The following LRMDA variants were observed in gnomAD, a reference collection of about 807,000 sequenced individuals.
The protein encoded by LRMDA is leucine-rich melanocyte differentiation-associated protein.
A neutral mutation model predicts 29.8 loss-of-function variants in LRMDA; 18 were observed. The ratio of observed to expected loss-of-function variants is 0.60; its 90% CI spans 0.42 to 0.90. The LOEUF is 0.90. Ranked by LOEUF, LRMDA falls within the 40% of genes least tolerant of loss-of-function variation. The probability of loss-of-function intolerance (pLI) is 0.00; values close to 1 mark genes in which losing one functional copy is unlikely to be tolerated. For synonymous variants in LRMDA, 125 were observed against 109.4 expected (o/e 1.14, Z -0.89); for missense variants, 273 against 273.9 (o/e 1.00, Z 0.02).
intron 5 of LRMDA, among the ~76,000 whole-genome samples, chr10:76,223,806 GA>G (rs1361396694): frequency 6.6e-6 from 1 of 152,158 alleles, no homozygotes; most frequent in Non-Finnish European, 1.5e-5. Flanking sequence ...CACCTCATTT[GA>G]CTGTGACAGC....
At chr10:75,668,371 A>G (rs1841850065) in intron 2 of LRMDA, among the ~76,000 whole-genome samples, 1 of 152,206 alleles carries the variant, frequency 6.6e-6, no homozygotes, top group Non-Finnish European at 1.5e-5. Context: ...GCCTGCCTCC[A>G]TGAAGGTGTA....
chr10:76,009,299 C>T (rs1847730661), intron 2 of LRMDA, among the ~76,000 whole-genome samples: 1 of 152,188 alleles, frequency 6.6e-6, no homozygotes, highest in Non-Finnish European at 1.5e-5. Context: ...CACTAAGATG[C>T]ATCCCTCATC....
chr10:76,553,044 C>CA (rs1324859961), intron 6 of LRMDA, among the ~76,000 whole-genome samples: 3 of 152,224 alleles, frequency 2.0e-5, no homozygotes, highest in Admixed American at 6.5e-5. Flanking sequence ...CTTCCTGATA[C>CA]TTTTTTTTCA....
chr10:76,555,521 T>C (rs903088732), intron 6 of LRMDA, among the ~76,000 whole-genome samples: 2 of 152,158 alleles, frequency 1.3e-5, no homozygotes, highest in Non-Finnish European at 1.5e-5. Context: ...CCTCTCTCCA[T>C]TGCCAACTCT....
intron 2 of LRMDA, among the ~76,000 whole-genome samples, chr10:75,927,586 G>A (rs999456007): frequency 6.6e-6 from 1 of 152,116 alleles, no homozygotes; most frequent in Non-Finnish European, 1.5e-5. Context: ...TTAGGTGTTC[G>A]AGGAAGGACC....
At chr10:76,348,291 G>A (rs950542342) in intron 6 of LRMDA, among the ~76,000 whole-genome samples, 16 of 152,156 alleles carry the variant, frequency 1.1e-4, no homozygotes, top group Admixed American at 2.6e-4. Context: ...TGCATTGATA[G>A]CTATCCATCA....
intron 2 of LRMDA, among the ~76,000 whole-genome samples, chr10:75,963,908 C>T (rs1846811904): frequency 6.6e-6 from 1 of 152,158 alleles, no homozygotes; most frequent in Admixed American, 6.5e-5. Flanking sequence ...TATGTGTGTG[C>T]TTAATGGTGG....
chr10:75,584,321 C>G (rs954557067), intron 2 of LRMDA, among the ~76,000 whole-genome samples: 4 of 152,162 alleles, frequency 2.6e-5, no homozygotes, highest in African/African-American at 9.7e-5. Flanking sequence ...CTACCTCCCC[C>G]CTAGAAAAAA....
rs146632373 is a variant in LRMDA, at chr10:75,664,393, G to T, written c.131+225899G>T. ...CAAGAATTTATATTGACTACCAACT[G>T]TATGCCAGGCAATGGGCTTGGTGCC... On this transcript the variant is annotated intron_variant, in intron 2 of 6. Transcript: ENST00000611255. 9.4e-3 allele frequency among the ~76,000 whole-genome samples: 1,428 copies of T among 152,342 alleles called. 10 individuals carry two copies. The highest frequency in any genetic ancestry group is 0.015 in the Non-Finnish European group (1,018 of 68,030).
At chr10:75,956,098 A>G (rs896539713) in intron 2 of LRMDA, among the ~76,000 whole-genome samples, 2 of 152,186 alleles carry the variant, frequency 1.3e-5, no homozygotes, top group Non-Finnish European at 2.9e-5. Context: ...ATATATTGTC[A>G]GGACTGCAGT....
intron 2 of LRMDA, among the ~76,000 whole-genome samples, chr10:75,553,723 G>A (rs948912125): frequency 6.6e-6 from 1 of 152,086 alleles, no homozygotes; most frequent in Non-Finnish European, 1.5e-5. Context: ...ACCTTTTAAG[G>A]AGGAAGTGGC....
intron 2 of LRMDA, among the ~76,000 whole-genome samples, chr10:75,443,151 C>T (rs560536428): frequency 2.4e-4 from 37 of 152,248 alleles, no homozygotes; most frequent in African/African-American, 8.9e-4. Flanking sequence ...CATCTGCAAA[C>T]AGAGACAATT....
chr10:76,004,043 A>G (rs190701664), intron 2 of LRMDA, among the ~76,000 whole-genome samples: 55 of 152,374 alleles, frequency 3.6e-4, no homozygotes, highest in Admixed American at 3.5e-3. Context: ...AAATTCATCA[A>G]TGAGCAAATG....
intron 2 of LRMDA, among the ~76,000 whole-genome samples, chr10:75,948,357 A>C (rs144496835): frequency 8.2e-4 from 125 of 152,346 alleles, no homozygotes; most frequent in African/African-American, 2.9e-3. Flanking sequence ...GTGGCATATC[A>C]TGAAATGAAT....
chr10:75,777,616 C>T (rs1429089762), intron 2 of LRMDA, among the ~76,000 whole-genome samples: 1 of 152,224 alleles, frequency 6.6e-6, no homozygotes, highest in Non-Finnish European at 1.5e-5. Context: ...TTTCACTTCA[C>T]TCCCAGCTCC....
At chr10:75,547,020 T>C (rs1840088980) in intron 2 of LRMDA, among the ~76,000 whole-genome samples, 1 of 152,192 alleles carries the variant, frequency 6.6e-6, no homozygotes, top group Non-Finnish European at 1.5e-5. Context: ...CCAGTTAATA[T>C]GACCTTCCAG....
At chr10:75,535,138 A>G (rs1302095999) in intron 2 of LRMDA, among the ~76,000 whole-genome samples, 1 of 152,098 alleles carries the variant, frequency 6.6e-6, no homozygotes, top group African/African-American at 2.4e-5. Flanking sequence ...TTAGAAATTC[A>G]TTGTCATGGA....
At chr10:75,883,814 T>C (rs923210522) in intron 2 of LRMDA, among the ~76,000 whole-genome samples, 4 of 151,296 alleles carry the variant, frequency 2.6e-5, no homozygotes, top group Admixed American at 2.6e-4. Flanking sequence ...ATGTGTGTCT[T>C]CTGCTTGCAT....
At chr10:75,624,017 C>G (rs754210928) in intron 2 of LRMDA, among the ~76,000 whole-genome samples, 3 of 152,112 alleles carry the variant, frequency 2.0e-5, no homozygotes, top group African/African-American at 7.2e-5. Context: ...CGGGAATATA[C>G]GGAGCAAAAT....
Sources: allele counts gnomAD v4.1 joint callset (sites outside exome capture counted in the v4.1 genomes callset), GRCh38; gene constraint gnomAD v4.1.1; transcripts MANE v1.5; gene names NCBI Gene and HGNC (gene_info 2026-07-23, HGNC 2026-07-21).